NIPAL2: variants seen among roughly 807,000 people sequenced by gnomAD.
NIPAL2 encodes the protein NIPA like domain containing 2.
Under a neutral mutation model 48.9 loss-of-function variants are expected in NIPAL2, and 43 were observed. The ratio of observed to expected loss-of-function variants is 0.88; its 90% CI spans 0.69 to 1.13. NIPAL2 has a LOEUF of 1.13. NIPAL2 is among the 50% of genes most tolerant of loss of function. NIPAL2 has a pLI of 0.00. For missense variants in NIPAL2, 446 were observed against 461.4 expected (o/e 0.97, Z 0.31); for synonymous variants, 167 against 174.6 (o/e 0.96, Z 0.34).
At chr8:98,250,765 G>A (rs111377187) in intron 3 of NIPAL2, among the ~76,000 whole-genome samples, 24 of 152,294 alleles carry the variant, frequency 1.6e-4, no homozygotes, top group African/African-American at 5.8e-4. Flanking sequence ...GAGGACTTGG[G>A]GAGAATAGGA....
chr8:98,205,065 G>A, intron 7 of NIPAL2, 46 bp downstream of exon 7: 8 of 1,595,520 alleles, frequency 5.0e-6, no homozygotes, highest in South Asian at 3.3e-5. Flanking sequence ...GCCCAGAGAA[G>A]CACCGGAATG....
At chr8:98,280,126 C>T (rs972444505) in intron 1 of NIPAL2, among the ~76,000 whole-genome samples, 2 of 152,120 alleles carry the variant, frequency 1.3e-5, no homozygotes, top group Non-Finnish European at 2.9e-5. Flanking sequence ...GTGATTTGGC[C>T]GTATGGAGAC....
chr8:98,223,949 A>G (rs1039112615), intron 4 of NIPAL2, among the ~76,000 whole-genome samples: 4 of 152,234 alleles, frequency 2.6e-5, no homozygotes, highest in Non-Finnish European at 4.4e-5. Context: ...GTTCAAAAGC[A>G]GGTTCCTAGG....
At chr8:98,275,385 CT>C (rs904403472) in intron 1 of NIPAL2, among the ~76,000 whole-genome samples, 2 of 152,000 alleles carry the variant, frequency 1.3e-5, no homozygotes, top group African/African-American at 2.4e-5. Context: ...TTGAAGTTGC[CT>C]TTTTTCACTA....
chr8:98,196,567 A>T (rs1810562087), intron 8 of NIPAL2, among the ~76,000 whole-genome samples: 1 of 152,208 alleles, frequency 6.6e-6, no homozygotes, highest in Non-Finnish European at 1.5e-5. Flanking sequence ...GCCCCCTCTC[A>T]TCTTCTTCTG....
chr8:98,195,877 A>G, intron 9 of NIPAL2, 65 bp downstream of exon 9: 1 of 1,168,024 alleles, frequency 8.6e-7, no homozygotes, highest in Non-Finnish European at 1.3e-6. Flanking sequence ...CTCCGGTACA[A>G]TGCCGAAAAT....
intron 1 of NIPAL2, 50 bp from the exon 2 acceptor site, chr8:98,254,137 G>A: frequency 6.9e-7 from 1 of 1,442,400 alleles, no homozygotes. Flanking sequence ...ATATTTACTG[G>A]AAGAAAAAAG....
At chr8:98,240,384 C>T (rs1314544746) in intron 3 of NIPAL2, among the ~76,000 whole-genome samples, 5 of 152,128 alleles carry the variant, frequency 3.3e-5, no homozygotes, top group Non-Finnish European at 7.3e-5. Flanking sequence ...ACACAATAGT[C>T]CTAGCAGGTT....
chr8:98,264,108 T>C (rs555202714), intron 1 of NIPAL2, among the ~76,000 whole-genome samples: 12 of 152,178 alleles, frequency 7.9e-5, no homozygotes, highest in African/African-American at 2.7e-4. Context: ...CTCAATAAAT[T>C]AGGTATTGAT....
chr8:98,266,515 T>G (rs1432750340), intron 1 of NIPAL2, among the ~76,000 whole-genome samples: 1 of 145,154 alleles, frequency 6.9e-6, no homozygotes, highest in Non-Finnish European at 1.5e-5. Context: ...ATCATACCAC[T>G]GCACTCCAGC....
chr8:98,234,884 T>C (rs1812631609), intron 4 of NIPAL2, among the ~76,000 whole-genome samples: 1 of 151,564 alleles, frequency 6.6e-6, no homozygotes. Flanking sequence ...CCATACAACT[T>C]CCCCAAATGA....
At chr8:98,268,501 A>C (rs527632969) in intron 1 of NIPAL2, among the ~76,000 whole-genome samples, 1 of 152,068 alleles carries the variant, frequency 6.6e-6, no homozygotes, top group East Asian at 1.9e-4. Flanking sequence ...CATGTCTTTA[A>C]TCCCAGCTAC....
Position 98,194,764 on chromosome 8 carries a change from G to T in NIPAL2, c.1003C>A (p.Leu335Met). 1 of 1,576,324 alleles carries T rather than the reference G, an allele frequency of 6.3e-7. No individual in the cohort carries two copies. The highest frequency in any genetic ancestry group is 8.6e-7 in the Non-Finnish European group (1 of 1,165,072). ...LVTRNREKEH[L>M]QQSYIDFGNI... ...CCAAAATCAATATAAGACTGTTGCA[G>T]ATGTTCCTTTTCTCGATTTCTTGTG... is the stretch of plus-strand genomic sequence containing the variant. The change falls in exon 10 of 11, where the codon CTG (leucine) becomes ATG (methionine). Residue 335 changes from leucine (L) to methionine (M), a missense_variant. Transcript: ENST00000430223.
At chr8:98,246,402 A>T in intron 3 of NIPAL2, among the ~76,000 whole-genome samples, 1 of 152,234 alleles carries the variant, frequency 6.6e-6, no homozygotes, top group East Asian at 1.9e-4. Context: ...TCATTTTCTC[A>T]GTGCAGTTAG....
In NIPAL2 at chr8:98,194,291, T is replaced by A. The variant is rs1250686193; in HGVS notation, c.1039+437A>T. On this transcript the variant is annotated intron_variant, in intron 10 of 10. Coordinates refer to ENST00000430223, the MANE Select transcript of NIPAL2 (RefSeq NM_001321635.2). ...TGAGGAAGGGGGAAGAAACTACTCA[T>A]GTTTTGGTGACTGTCCTGAGCCACA... 6.6e-5 allele frequency among the ~76,000 whole-genome samples: 10 copies of A among 152,258 alleles called. No homozygotes were observed. In the East Asian group the frequency reaches 1.9e-3, roughly 29 times the overall value.
chr8:98,293,877 C>T, intron 1 of NIPAL2, 126 bp downstream of exon 1: 2 of 898,970 alleles, frequency 2.2e-6, no homozygotes, highest in Non-Finnish European at 3.0e-6. Flanking sequence ...TCACCTCTTC[C>T]CACTCGGAGA....
intron 1 of NIPAL2, among the ~76,000 whole-genome samples, chr8:98,272,977 T>C (rs908109437): frequency 4.6e-5 from 7 of 152,110 alleles, no homozygotes; most frequent in African/African-American, 1.7e-4. Flanking sequence ...AAACAAAGGA[T>C]TGAAAGTGTC....
chr8:98,193,105 A>G lies in NIPAL2; in HGVS notation c.1040-15T>C, dbSNP rs375543730. ...CATTTGTTTCCCTGTGGAGATAATA[A>G]TCATAGAGAATCTTTTGAGGTCTTA... is the stretch of plus-strand genomic sequence containing the variant. On this transcript the variant is annotated splice_polypyrimidine_tract_variant and intron_variant, in intron 10 of 10. Coordinates refer to ENST00000430223, the MANE Select transcript of NIPAL2 (RefSeq NM_001321635.2). 16 of 1,578,306 alleles carry G rather than the reference A, an allele frequency of 1.0e-5. No individual in the cohort carries two copies. Among genetic ancestry groups the G allele is most frequent in the Non-Finnish European group, 1.3e-5 (15 of 1,148,084 alleles).
intron 5 of NIPAL2, among the ~76,000 whole-genome samples, chr8:98,215,741 G>A (rs554573637): frequency 2.6e-5 from 4 of 152,166 alleles, no homozygotes; most frequent in Non-Finnish European, 5.9e-5. Flanking sequence ...AGGTTGGTGG[G>A]TTGGTGCAAT....
Sources: allele counts gnomAD v4.1 joint callset (sites outside exome capture counted in the v4.1 genomes callset), GRCh38; gene constraint gnomAD v4.1.1; transcripts MANE v1.5; gene names NCBI Gene and HGNC (gene_info 2026-07-23, HGNC 2026-07-21).